The following KIT variants were observed in gnomAD, a reference collection of about 807,000 sequenced individuals.
KIT encodes mast/stem cell growth factor receptor Kit.
Under a neutral mutation model 105.7 loss-of-function variants are expected in KIT, and 16 were observed. The ratio of observed to expected loss-of-function variants is 0.15; its 90% CI spans 0.10 to 0.23. KIT has a LOEUF of 0.23. Ranked by LOEUF, KIT falls within the 10% of genes least tolerant of loss-of-function variation. The pLI is 1.00. For missense variants in KIT, 858 were observed against 1,213.8 expected, an observed-to-expected ratio of 0.71 and a Z score of 4.36; for synonymous variants, 438 against 441.1, an observed-to-expected ratio of 0.99 and a Z score of 0.09.
rs145183977 is a variant in KIT, at chr4:54,725,861, T to A, written c.1351T>A (p.Ser451Thr). ...CTTTTGTTTTCTTCCCTTTAGATGC[T>A]CTGCTTCTGTACTGCCAGTGGATGT... ...YFCPGTEQRC[S>T]ASVLPVDVQT... The change falls in exon 9 of 21, where the codon TCT becomes ACT. Residue 451 changes from serine to threonine, a missense_variant. Coordinates refer to ENST00000288135, the MANE Select transcript of KIT (RefSeq NM_000222.3). 6.2e-7 allele frequency: 1 copy of A among 1,614,100 alleles called. No homozygotes were observed.
chr4:54,706,008 C>G (rs1577965824), intron 5 of KIT, among the ~76,000 whole-genome samples: 1 of 152,230 alleles, frequency 6.6e-6, no homozygotes, highest in African/African-American at 2.4e-5. Flanking sequence ...TTAGCAATTA[C>G]TTTATTGCTC....
chr4:54,729,842 T>A (rs17084702), intron 14 of KIT, among the ~76,000 whole-genome samples: 16,519 of 152,198 alleles, frequency 0.11, 1,039 homozygotes, highest in African/African-American at 0.17. Context: ...AGATACTGTT[T>A]ATAGGGAAAA....
rs1722628841 is a variant in KIT at position 54,731,990 on chromosome 4, T to G, written c.2353T>G (p.Ser785Ala). ...GGCAAAGGGCATGGCTTTCCTCGCC[T>G]CCAAGAATGTAAGTGGGAGTGATTC... ...QVAKGMAFLA[S>A]KNCIHRDLAA... Residue 785 changes from serine (S) to alanine (A), a missense_variant, in exon 16 of 21, where the codon TCC (serine) becomes GCC (alanine). Transcript: ENST00000288135. 6.2e-7 allele frequency: 1 copy of G among 1,611,928 alleles called. No individual in the cohort carries two copies. The highest frequency in any genetic ancestry group is 8.5e-7 in the Non-Finnish European group (1 of 1,178,798).
At chr4:54,662,132 G>A (rs375112097) in intron 1 of KIT, among the ~76,000 whole-genome samples, 5 of 152,166 alleles carry the variant, frequency 3.3e-5, no homozygotes, top group East Asian at 3.9e-4. Context: ...TGCTCTTCAG[G>A]TTGCATTAGG....
chr4:54,697,208 A>C (rs1391435787), intron 2 of KIT, among the ~76,000 whole-genome samples: 1 of 152,212 alleles, frequency 6.6e-6, no homozygotes, highest in African/African-American at 2.4e-5. Context: ...TTCAACCATC[A>C]TGAGGTCATT....
At chr4:54,711,144 GCACT>G (rs1314010473) in intron 7 of KIT, among the ~76,000 whole-genome samples, 2 of 152,166 alleles carry the variant, frequency 1.3e-5, no homozygotes, top group Non-Finnish European at 2.9e-5. Context: ...TCCTCCCAAA[GCACT>G]GGGATTACAG....
At chr4:54,668,775 A>G (rs1009435138) in intron 1 of KIT, among the ~76,000 whole-genome samples, 2 of 152,236 alleles carry the variant, frequency 1.3e-5, no homozygotes, top group Admixed American at 6.5e-5. Context: ...AAACAAGACT[A>G]TGTTAAAAAG....
At chr4:54,722,925 T>C (rs1422580921) in intron 7 of KIT, among the ~76,000 whole-genome samples, 1 of 143,988 alleles carries the variant, frequency 6.9e-6, no homozygotes, top group Non-Finnish European at 1.5e-5. Context: ...TATACATAAA[T>C]ATATAAATCT....
Position 54,726,450 on chromosome 4 carries a change from T to TATCCAAAAGTTAACACTGC in KIT, c.1540+401_1540+419dup, listed in dbSNP as rs1722219206. On this transcript the variant is annotated intron_variant, in intron 9 of 20. Coordinates refer to ENST00000288135, the MANE Select transcript of KIT (RefSeq NM_000222.3). The stretch of plus-strand genomic sequence containing the variant: ...TATTTTAACACTTTGCCAGACACTG[T>TATCCAAAAGTTAACACTGC]ATCCAAAAGTTAACACTGCCTTTAT... Among the ~76,000 whole-genome samples, 3 of 152,260 alleles carry TATCCAAAAGTTAACACTGC rather than the reference T, an allele frequency of 2.0e-5. No individual in the cohort carries two copies. The South Asian group carries it at 6.2e-4, about 31-fold the overall frequency.
At position 54,730,498 on chromosome 4, in the gene KIT, T is replaced by G. The variant is rs539527881; in HGVS notation, c.2142-830T>G. On this transcript the variant is annotated intron_variant, in intron 14 of 20. Coordinates refer to ENST00000288135, the MANE Select transcript of KIT (RefSeq NM_000222.3). ...TTATTTTTTTTTAATCCTATAAACT[T>G]GAGTAGTTTAAAGTGGTAGTAGAAA... is the stretch of plus-strand genomic sequence containing the variant. 3.3e-5 allele frequency among the ~76,000 whole-genome samples: 5 copies of G among 152,204 alleles called. No individual in the cohort carries two copies. The South Asian group carries it at 1.0e-3, about 32-fold the overall frequency.
At position 54,723,603 on chromosome 4, in the gene KIT, T is replaced by C. The variant is rs765071640; in HGVS notation, c.1251T>C (p.Thr417=). ...CTGTAGCAAAACCAGAAATCCTGAC[T>C]TACGACAGGCTCGTGAATGGCATGC... The part of the protein sequence containing the change: ...VYVNTKPEIL[T]YDRLVNGMLQ... The change falls in exon 8 of 21, where the codon ACT becomes ACC. Residue 417 remains threonine (T), a synonymous_variant. Transcript: ENST00000288135. 1.2e-6 allele frequency: 2 copies of C among 1,613,928 alleles called. No homozygotes were observed. Among genetic ancestry groups the C allele is most frequent in the Non-Finnish European group, 1.7e-6 (2 of 1,179,804 alleles).
intron 1 of KIT, among the ~76,000 whole-genome samples, chr4:54,681,223 A>G (rs1212810577): frequency 7.1e-6 from 1 of 140,272 alleles, no homozygotes; most frequent in Non-Finnish European, 1.6e-5. Flanking sequence ...ATGTTTCAAT[A>G]TGTGCTTTCC....
intron 7 of KIT, among the ~76,000 whole-genome samples, chr4:54,717,605 T>A (rs910646162): frequency 8.5e-5 from 13 of 152,198 alleles, no homozygotes; most frequent in African/African-American, 2.9e-4. Context: ...TTGTGGAACT[T>A]CCACTCTGTG....
At chr4:54,670,325 T>C (rs1315843840) in intron 1 of KIT, among the ~76,000 whole-genome samples, 1 of 152,162 alleles carries the variant, frequency 6.6e-6, no homozygotes, top group African/African-American at 2.4e-5. Context: ...ATGACCGAAC[T>C]CCTAACTCTT....
In KIT at chr4:54,707,122, C is replaced by T; in HGVS notation, c.950C>T (p.Pro317Leu). The T allele has an allele frequency of 6.4e-7, 1 of 1,555,714 alleles. No homozygotes were observed. Among genetic ancestry groups the T allele is most frequent in the Non-Finnish European group, 8.9e-7 (1 of 1,127,496 alleles). Residue 317 changes from proline (P) to leucine (L), a missense_variant, in exon 6 of 21, where the codon CCC (proline) becomes CTC (leucine). By Grantham distance (98) the Pro-to-Leu change is moderately conservative. Around this residue, in one of 7 missense-constraint regions of KIT, gnomAD observed 401 missense variants for 601.0 expected, o/e 0.67. Transcript: ENST00000288135. ...VVDKGFINIF[P>L]MINTTVFVND... ...GATAAAGGATTCATTAATATCTTCC[C>T]CATGATAAACACTACAGTATTTGTA...
At chr4:54,674,701 A>G (rs1005002652) in intron 1 of KIT, among the ~76,000 whole-genome samples, 1 of 152,202 alleles carries the variant, frequency 6.6e-6, no homozygotes, top group African/African-American at 2.4e-5. Context: ...CTATCTGAAA[A>G]CTGATTACTA....
At chr4:54,714,303 A>G (rs2109731903) in intron 7 of KIT, among the ~76,000 whole-genome samples, 1 of 152,318 alleles carries the variant, frequency 6.6e-6, no homozygotes, top group African/African-American at 2.4e-5. Context: ...TGCTATGGGT[A>G]GCTTATGCTA....
In KIT at chr4:54,736,590, T is replaced by C. The variant is rs371058716; in HGVS notation, c.2577T>C (p.Leu859=). 7 of 1,613,626 alleles carry C rather than the reference T, an allele frequency of 4.3e-6. No homozygotes were observed. The African/African-American group carries it at 5.3e-5, about 12-fold the overall frequency. ...ESDVWSYGIF[L]WELFSLGSSP... is the part of the protein sequence containing the mutation. ...ACGTCTGGTCCTATGGGATTTTTCT[T>C]TGGGAGCTGTTCTCTTTAGGTAAAA... is the stretch of plus-strand genomic sequence containing the variant. The change falls in exon 18 of 21, where the codon CTT becomes CTC. Residue 859 remains leucine, a synonymous_variant. Transcript: ENST00000288135.
intron 1 of KIT, among the ~76,000 whole-genome samples, chr4:54,664,123 G>T (rs1042921728): frequency 2.0e-5 from 3 of 152,172 alleles, no homozygotes; most frequent in Admixed American, 6.5e-5. Context: ...CCACATAGGA[G>T]ATAATATTTG....
Sources: gnomAD v4.1 joint callset for allele counts (sites outside exome capture counted in the v4.1 genomes callset) on GRCh38, gnomAD v4.1.1 for gene constraint, gnomAD v4.1.1 regional missense constraint, MANE v1.5 for transcripts, NCBI Gene and HGNC (gene_info 2026-07-23, HGNC 2026-07-21) for gene names.